The following IGF1R variants were observed in gnomAD, a reference collection of about 807,000 sequenced individuals.
IGF1R encodes the protein insulin-like growth factor 1 receptor.
IGF1R carries 44 observed loss-of-function variants against 144.6 expected under a neutral mutation model. The observed-to-expected ratio is 0.30, with a 90% CI of 0.24 to 0.39. The LOEUF (loss-of-function observed/expected upper bound fraction) is 0.39, where lower values mean the gene tolerates loss of function less well. Among genes scored for constraint, IGF1R ranks in the 10% least tolerant of loss-of-function variants. The probability of loss-of-function intolerance (pLI) is 1.00; values close to 1 mark genes in which losing one functional copy is unlikely to be tolerated. For synonymous variants in IGF1R, 795 were observed against 722.8 expected (o/e 1.10, Z -1.60); for missense variants, 1,355 against 1,833.7 (o/e 0.74, Z 4.77).
At chr15:98,748,012 A>G (rs752352066) in intron 2 of IGF1R, among the ~76,000 whole-genome samples, 12 of 152,312 alleles carry the variant, frequency 7.9e-5, no homozygotes, top group Non-Finnish European at 1.5e-4. Flanking sequence ...AATGAAGATA[A>G]AGAGATAAAT....
At chr15:98,697,023 G>A (rs1333179001) in intron 1 of IGF1R, among the ~76,000 whole-genome samples, 1 of 152,208 alleles carries the variant, frequency 6.6e-6, no homozygotes, top group Non-Finnish European at 1.5e-5. Context: ...GGGGGAAGAG[G>A]TGAATCTGGA....
At chr15:98,677,810 G>A (rs866326844) in intron 1 of IGF1R, among the ~76,000 whole-genome samples, 12 of 152,338 alleles carry the variant, frequency 7.9e-5, no homozygotes, top group Middle Eastern at 3.4e-3. Context: ...CCAGAACTGA[G>A]TTGCATGCAG....
chr15:98,952,624 G>A (rs2016823417), intron 20 of IGF1R, among the ~76,000 whole-genome samples: 1 of 152,038 alleles, frequency 6.6e-6, no homozygotes, highest in Non-Finnish European at 1.5e-5. Flanking sequence ...TCTTTGACTC[G>A]GGTAAACGTT....
chr15:98,902,575 G>A (rs377556252), intron 5 of IGF1R, among the ~76,000 whole-genome samples: 2 of 134,586 alleles, frequency 1.5e-5, no homozygotes, highest in East Asian at 5.1e-4. Context: ...GCACCACCAC[G>A]CCCGGCTTAT....
chr15:98,690,142 G>T (rs2053440003), intron 1 of IGF1R, among the ~76,000 whole-genome samples: 1 of 152,090 alleles, frequency 6.6e-6, no homozygotes, highest in African/African-American at 2.4e-5. Flanking sequence ...AGGAGTTCAA[G>T]ACCAGCCTGG....
chr15:98,934,682 T>A (rs2715449), intron 15 of IGF1R, 142 bp from the exon 16 acceptor site: 4 of 733,226 alleles, frequency 5.5e-6, no homozygotes, highest in African/African-American at 5.2e-5. Flanking sequence ...AAAGTTGACA[T>A]CAAGCCATGC....
intron 15 of IGF1R, among the ~76,000 whole-genome samples, chr15:98,933,140 A>G (rs1162007006): frequency 6.6e-6 from 1 of 152,216 alleles, no homozygotes; most frequent in African/African-American, 2.4e-5. Context: ...CCCGTCAGGC[A>G]AGGACATTAG....
intron 20 of IGF1R, among the ~76,000 whole-genome samples, chr15:98,955,419 CCA>C (rs1162349735): frequency 2.0e-5 from 3 of 152,234 alleles, no homozygotes; most frequent in African/African-American, 7.2e-5. Context: ...GACTTGCAGG[CCA>C]CAGTCTCTGT....
intron 2 of IGF1R, among the ~76,000 whole-genome samples, chr15:98,854,136 A>G (rs992261709): frequency 1.3e-5 from 2 of 152,208 alleles, no homozygotes; most frequent in African/African-American, 4.8e-5. Flanking sequence ...CAGCAGGTTA[A>G]GGAGAGTGTC....
In IGF1R at chr15:98,937,806, T is replaced by C. The variant is rs554423681; in HGVS notation, c.3298-1395T>C. ...ATAAATGACCACTTCATAACACATA[T>C]AGGTCATACTGTAATATTTAAGAAT... On this transcript the variant is annotated intron_variant, in intron 17 of 20. Transcript: ENST00000650285. Among the ~76,000 whole-genome samples, 17 of 152,344 alleles carry C rather than the reference T, an allele frequency of 1.1e-4. No individual in the cohort carries two copies. In the South Asian group the frequency reaches 1.2e-3, roughly 11 times the overall value.
intron 2 of IGF1R, among the ~76,000 whole-genome samples, chr15:98,850,367 C>G (rs1348189623): frequency 6.6e-6 from 1 of 152,228 alleles, no homozygotes; most frequent in African/African-American, 2.4e-5. Context: ...CAGAGACAAG[C>G]TGGAAACAGC....
At position 98,957,640 on chromosome 15, in the gene IGF1R, G is replaced by C. The variant is rs981424699; in HGVS notation, c.*198G>C. 6 of 655,280 alleles carry C rather than the reference G, an allele frequency of 9.2e-6. No individual in the cohort carries two copies. The highest frequency in any genetic ancestry group is 5.4e-5 in the Admixed American group (2 of 37,378). The allele number at this position is 655,280 out of a possible 1,614,324, so 40.6% of individuals were successfully genotyped here. Reference sequence around the variant, plus strand: ...TGTTCCTTTTTTCAATATGCAAGCAGCTTTTTATTCCCTGCCCAAACCCTT... The same window carrying C: ...TGTTCCTTTTTTCAATATGCAAGCACCTTTTTATTCCCTGCCCAAACCCTT... On this transcript the variant is annotated 3_prime_UTR_variant, in exon 21 of 21. Transcript: ENST00000650285.
At chr15:98,693,848 C>T (rs1213430242) in intron 1 of IGF1R, among the ~76,000 whole-genome samples, 1 of 152,164 alleles carries the variant, frequency 6.6e-6, no homozygotes, top group African/African-American at 2.4e-5. Flanking sequence ...TCAAGCAGTG[C>T]GCCTGCCTCA....
chr15:98,764,007 A>G (rs546425453), intron 2 of IGF1R, among the ~76,000 whole-genome samples: 19 of 152,296 alleles, frequency 1.2e-4, no homozygotes, highest in South Asian at 2.1e-4. Flanking sequence ...TAGCTTTTCA[A>G]TTCTCTTGAA....
At chr15:98,904,608 C>A (rs28541458) in intron 5 of IGF1R, among the ~76,000 whole-genome samples, 2,718 of 152,182 alleles carry the variant, frequency 0.018, 76 homozygotes, top group African/African-American at 0.06. Flanking sequence ...GCCAAATACT[C>A]TTATCAGTTG....
intron 1 of IGF1R, among the ~76,000 whole-genome samples, chr15:98,653,913 A>G (rs1288223647): frequency 6.6e-6 from 1 of 152,198 alleles, no homozygotes; most frequent in African/African-American, 2.4e-5. Flanking sequence ...TTTGTTTTGT[A>G]AGAATGTGCT....
intron 6 of IGF1R, among the ~76,000 whole-genome samples, chr15:98,911,098 A>G (rs1035615891): frequency 2.6e-5 from 4 of 152,180 alleles, no homozygotes; most frequent in African/African-American, 9.7e-5. Flanking sequence ...TAGCCAGCGT[A>G]ACTGATTGAC....
chr15:98,708,216 C>A, intron 2 of IGF1R, 109 bp downstream of exon 2: 2 of 980,046 alleles, frequency 2.0e-6, no homozygotes, highest in South Asian at 1.3e-5. Flanking sequence ...AGGGTGCAGT[C>A]GTGTTGCATT....
At chr15:98,875,773 C>G (rs1321289582) in intron 2 of IGF1R, among the ~76,000 whole-genome samples, 2 of 152,146 alleles carry the variant, frequency 1.3e-5, no homozygotes, top group Non-Finnish European at 2.9e-5. Context: ...GCTTCCCCAG[C>G]AGGAAGAGAG....
Sources: gnomAD v4.1 joint callset for allele counts (sites outside exome capture counted in the v4.1 genomes callset) on GRCh38, gnomAD v4.1.1 for gene constraint, MANE v1.5 for transcripts, NCBI Gene and HGNC (gene_info 2026-07-23, HGNC 2026-07-21) for gene names.